SEPTIN6: variants seen among roughly 807,000 people sequenced by gnomAD.
SEPTIN6 encodes septin-6.
In SEPTIN6, 8 loss-of-function variants were observed where a neutral mutation model predicts 33.6. The ratio of observed to expected loss-of-function variants is 0.24; its 90% CI spans 0.14 to 0.43. The LOEUF (loss-of-function observed/expected upper bound fraction) is 0.43. Among genes scored for constraint, SEPTIN6 ranks in the 20% least tolerant of loss-of-function variants. The probability of loss-of-function intolerance (pLI) is 1.00; values close to 1 mark genes in which losing one functional copy is unlikely to be tolerated. For missense variants in SEPTIN6, 250 were observed against 340.8 expected, an observed-to-expected ratio of 0.73 and a Z score of 2.10; for synonymous variants, 131 against 140.0, an observed-to-expected ratio of 0.94 and a Z score of 0.45.
At chrX:119,655,985 T>A (rs935722587) in intron 3 of SEPTIN6, among the ~76,000 whole-genome samples, 1 of 112,291 alleles carries the variant, frequency 8.9e-6, no homozygotes, top group Non-Finnish European at 1.9e-5. Flanking sequence ...ATAGCATTTA[T>A]ACTCATTACA....
At chrX:119,669,071 T>A (rs187257201) in intron 2 of SEPTIN6, among the ~76,000 whole-genome samples, 1 of 112,385 alleles carries the variant, frequency 8.9e-6, no homozygotes, top group East Asian at 2.8e-4. Context: ...TCACTTAGCA[T>A]AATAGGTCTA....
At chrX:119,683,142 A>G (rs2054994209) in intron 1 of SEPTIN6, among the ~76,000 whole-genome samples, 1 of 112,548 alleles carries the variant, frequency 8.9e-6, no homozygotes, top group African/African-American at 3.2e-5. Flanking sequence ...AGTCCCAGCC[A>G]GTTGGGAGGC....
In SEPTIN6 at chrX:119,638,658, G is replaced by A. The variant is rs148149265; in HGVS notation, c.788-1463C>T. Among the ~76,000 whole-genome samples the A allele has an allele frequency of 3.2e-3, 358 of 111,561 alleles. 3 individuals are homozygous for A. Among genetic ancestry groups the A allele is most frequent in the African/African-American group, 0.011 (342 of 30,644 alleles). On this transcript the variant is annotated intron_variant, in intron 6 of 10. Transcript: ENST00000394610. ...ATAATCCCTCTGCTTAAGACCCACTGAATTAGGAATAAAGCCCCCTGCTGT... is the reference window on the plus strand; with the variant it reads ...ATAATCCCTCTGCTTAAGACCCACTAAATTAGGAATAAAGCCCCCTGCTGT...
In SEPTIN6 at chrX:119,619,143, C is replaced by T; in HGVS notation, c.*950G>A. On this transcript the variant is annotated 3_prime_UTR_variant, in exon 11 of 11. Coordinates refer to ENST00000394610, the MANE Select transcript of SEPTIN6 (RefSeq NM_145799.4). Reference sequence around the variant, plus strand: ...ACTAGAAGACTCATCAGAGCAAACCCCCAAACACTTGATTCTTTTGACAGC... The same window carrying T: ...ACTAGAAGACTCATCAGAGCAAACCTCCAAACACTTGATTCTTTTGACAGC... 1.2e-6 allele frequency: 1 copy of T among 854,532 alleles called. No homozygotes were observed. Among genetic ancestry groups the T allele is most frequent in the Non-Finnish European group, 1.4e-6 (1 of 703,310 alleles). 70.4% of individuals were successfully genotyped at this position (854,532 alleles called of 1,213,427 possible).
chrX:119,624,402 C>A (rs926846885), intron 10 of SEPTIN6, among the ~76,000 whole-genome samples: 8 of 110,455 alleles, frequency 7.2e-5, no homozygotes, highest in African/African-American at 2.6e-4. Context: ...CTCGAACTCC[C>A]GACCTCAGGT....
chrX:119,693,035 G>A (rs2055205865), intron 1 of SEPTIN6, 41 bp downstream of exon 1: 1 of 1,160,100 alleles, frequency 8.6e-7, no homozygotes, highest in East Asian at 3.2e-5. Flanking sequence ...ACCCTCACCA[G>A]GCCCTCGGCC....
intron 2 of SEPTIN6, among the ~76,000 whole-genome samples, chrX:119,672,283 G>A (rs1223348043): frequency 1.8e-5 from 2 of 111,401 alleles, no homozygotes; most frequent in Non-Finnish European, 3.8e-5. Context: ...GAGGGTCTGT[G>A]CTGGGTACTT....
chrX:119,616,570 G>T, downstream of SEPTIN6: 1 of 610,876 alleles, frequency 1.6e-6, no homozygotes, highest in Admixed American at 2.3e-5. Context: ...CCTGGACACA[G>T]GGACACATGA....
intron 6 of SEPTIN6, among the ~76,000 whole-genome samples, chrX:119,638,456 C>T (rs2054103538): frequency 9.0e-6 from 1 of 111,175 alleles, no homozygotes; most frequent in Non-Finnish European, 1.9e-5. Flanking sequence ...TGGTATTTGC[C>T]CTGAACAAGT....
At chrX:119,680,333 G>T (rs923984944) in intron 1 of SEPTIN6, among the ~76,000 whole-genome samples, 1 of 108,368 alleles carries the variant, frequency 9.2e-6, no homozygotes, top group African/African-American at 3.4e-5. Context: ...CTCAGCCTCC[G>T]GAGTAGCTGG....
In SEPTIN6 at chrX:119,663,564, C is replaced by T. The variant is rs767701064; in HGVS notation, c.259G>A (p.Asp87Asn). ...AGCCTCACGTTGCTCTCTTGGAGGT[C>T]ATAGGTATTAGACTGGAGCTGGACA... is the stretch of plus-strand genomic sequence containing the variant. ...PGVQLQSNTY[D>N]LQESNVRLKL... The change falls in exon 3 of 11, where the codon GAC becomes AAC. Residue 87 changes from aspartate (D) to asparagine (N), a missense_variant. Asp to Asn is a conservative substitution (Grantham distance 23). This residue lies in a region of SEPTIN6 where 111 missense variants were observed against 113.8 expected (regional missense o/e 0.98). Transcript: ENST00000394610. The T allele has an allele frequency of 5.0e-6, 6 of 1,205,431 alleles. No individual in the cohort carries two copies. The highest frequency in any genetic ancestry group is 6.7e-6 in the Non-Finnish European group (6 of 892,292).
chrX:119,629,617 G>T, intron 8 of SEPTIN6, 109 bp from the exon 9 acceptor site: 1 of 626,864 alleles, frequency 1.6e-6, no homozygotes, highest in South Asian at 2.8e-5. Flanking sequence ...GCAGGACCCT[G>T]GAACCTCAGG....
At chrX:119,624,866 T>C (rs2053835807) in intron 10 of SEPTIN6, among the ~76,000 whole-genome samples, 1 of 110,911 alleles carries the variant, frequency 9.0e-6, no homozygotes, top group South Asian at 3.8e-4. Flanking sequence ...TGTGCCACCA[T>C]GTCCGGCTAA....
intron 1 of SEPTIN6, among the ~76,000 whole-genome samples, chrX:119,691,858 G>T (rs1197620180): frequency 9.0e-6 from 1 of 111,534 alleles, no homozygotes; most frequent in Non-Finnish European, 1.9e-5. Flanking sequence ...TCGTCAAGTA[G>T]TATGTGGTGT....
chrX:119,688,290 A>C (rs1203483097), intron 1 of SEPTIN6, among the ~76,000 whole-genome samples: 1 of 110,882 alleles, frequency 9.0e-6, no homozygotes, highest in Non-Finnish European at 1.9e-5. Flanking sequence ...GCAGGCAGTC[A>C]CTCTCCTGTG....
chrX:119,682,251 A>G (rs986432748), intron 1 of SEPTIN6, among the ~76,000 whole-genome samples: 1 of 111,291 alleles, frequency 9.0e-6, no homozygotes. Flanking sequence ...AGTAGTCGGT[A>G]TGCTTCCCTA....
At position 119,693,083 on chromosome X, in the gene SEPTIN6, C is replaced by A. The variant is rs1190093398; in HGVS notation, c.23G>T (p.Arg8Leu). ...CCCAAGCTCTGCACTTACCACCTGG[C>A]GAGCTATATCGGTCGCTGCCATCGC... Reference protein sequence around the residue: MAATDIARQVGEGCRTVP... With the variant: MAATDIALQVGEGCRTVP... Residue 8 changes from arginine to leucine, a missense_variant, in exon 1 of 11, where the codon CGC becomes CTC. This residue lies in a region of SEPTIN6 where 111 missense variants were observed against 113.8 expected (regional missense o/e 0.98). Coordinates refer to ENST00000394610, the MANE Select transcript of SEPTIN6 (RefSeq NM_145799.4). The A allele has an allele frequency of 2.6e-6, 3 of 1,173,008 alleles. No individual in the cohort carries two copies. Among genetic ancestry groups the A allele is most frequent in the Admixed American group, 2.5e-5 (1 of 40,046 alleles).
intron 1 of SEPTIN6, among the ~76,000 whole-genome samples, chrX:119,681,586 G>A (rs1451544327): frequency 1.8e-5 from 2 of 110,452 alleles, no homozygotes; most frequent in Non-Finnish European, 3.8e-5. Context: ...CAACCTAAAT[G>A]TCCAACAATA....
intron 8 of SEPTIN6, among the ~76,000 whole-genome samples, chrX:119,631,513 A>G (rs1313792696): frequency 2.7e-5 from 3 of 111,305 alleles, no homozygotes; most frequent in African/African-American, 9.8e-5. Flanking sequence ...AGGGCTGCCT[A>G]TCAATTGCCT....
Sources: gnomAD v4.1 joint callset for allele counts (sites outside exome capture counted in the v4.1 genomes callset) on GRCh38, gnomAD v4.1.1 for gene constraint, gnomAD v4.1.1 regional missense constraint, MANE v1.5 for transcripts, NCBI Gene and HGNC (gene_info 2026-07-23, HGNC 2026-07-21) for gene names.